MBP: variants seen among roughly 807,000 people sequenced by gnomAD.
MBP encodes Golli-MBP.
Under a neutral mutation model 35.8 loss-of-function variants are expected in MBP, and 16 were observed. The ratio of observed to expected loss-of-function variants is 0.45; its 90% CI spans 0.30 to 0.68. The LOEUF is 0.68. MBP is among the 30% of genes least tolerant of loss of function. The pLI, the probability that MBP is intolerant of heterozygous loss-of-function variation, is 0.08. For missense variants in MBP, 380 were observed against 404.7 expected (o/e 0.94, Z 0.52); for synonymous variants, 143 against 159.6 (o/e 0.90, Z 0.78).
At chr18:76,992,173 C>G (rs994806461) in intron 4 of MBP, among the ~76,000 whole-genome samples, 8 of 152,264 alleles carry the variant, frequency 5.3e-5, no homozygotes, top group Admixed American at 3.9e-4. Context: ...TTTTTGGCAC[C>G]AGGGATGGGT....
In MBP at chr18:76,979,912, A is replaced by T. The variant is rs1311816718; in HGVS notation, c.*515T>A. 1.4e-6 allele frequency: 1 copy of T among 701,636 alleles called. No homozygotes were observed. Among genetic ancestry groups the T allele is most frequent in the Non-Finnish European group, 2.6e-6 (1 of 384,714 alleles). 43.5% of individuals were successfully genotyped at this position (701,636 alleles called of 1,614,324 possible). A position where few individuals can be genotyped will look rare whatever the true frequency, so the allele number is the denominator to read the frequency against. On this transcript the variant is annotated 3_prime_UTR_variant, in exon 9 of 9. Transcript: ENST00000355994. ...TAGTAAGCCACTCCTTGACTGTCTA[A>T]TCCTGTTAGGAAAAATGAAGTCTAC...
chr18:77,024,775 C>T (rs1172753876), intron 3 of MBP, among the ~76,000 whole-genome samples: 2 of 152,268 alleles, frequency 1.3e-5, no homozygotes, highest in Non-Finnish European at 2.9e-5. Context: ...CCAACACTGA[C>T]CAGCCGATGT....
At chr18:77,094,235 A>G (rs1975667192) in intron 2 of MBP, among the ~76,000 whole-genome samples, 1 of 152,316 alleles carries the variant, frequency 6.6e-6, no homozygotes, top group East Asian at 1.9e-4. Flanking sequence ...TGGCCTCCCA[A>G]AGTGCTGGGA....
At chr18:77,079,355 G>A (rs11664872) in intron 2 of MBP, among the ~76,000 whole-genome samples, 51,801 of 152,082 alleles carry the variant, frequency 0.34, 8,993 homozygotes, top group East Asian at 0.42. Flanking sequence ...CGGCCACTGT[G>A]GGGGAGCAGG....
At chr18:77,005,623 T>G (rs977270748) in intron 4 of MBP, 6 of 152,198 alleles carry the variant, frequency 3.9e-5, no homozygotes, top group Non-Finnish European at 7.3e-5. Flanking sequence ...CTTCTGAGAA[T>G]GGTGGGAGCA....
intron 3 of MBP, among the ~76,000 whole-genome samples, chr18:77,043,590 C>T (rs1231852935): frequency 8.7e-5 from 2 of 23,114 alleles, no homozygotes; most frequent in Non-Finnish European, 1.8e-4. Flanking sequence ...GCCAGCGTGA[C>T]ACTCAGCAGC....
At chr18:77,121,603 C>G (rs565294927) in intron 1 of MBP, among the ~76,000 whole-genome samples, 27 of 152,258 alleles carry the variant, frequency 1.8e-4, no homozygotes, top group African/African-American at 6.5e-4. Flanking sequence ...TATGTCTCGG[C>G]ATATGAAAAT....
At chr18:77,077,030 C>T (rs1400161280) in intron 2 of MBP, among the ~76,000 whole-genome samples, 1 of 152,108 alleles carries the variant, frequency 6.6e-6, no homozygotes, top group Admixed American at 6.5e-5. Flanking sequence ...TATAAAGTGC[C>T]TGGCACAGAA....
At chr18:76,997,896 A>G (rs1970393118) in intron 4 of MBP, among the ~76,000 whole-genome samples, 4 of 151,848 alleles carry the variant, frequency 2.6e-5, no homozygotes, top group East Asian at 1.9e-4. Context: ...GTTAGCCAGG[A>G]TGGTCTCGAT....
At position 76,980,108 on chromosome 18, in the gene MBP, G is replaced by A. The variant is rs1599444642; in HGVS notation, c.*319C>T. On this transcript the variant is annotated 3_prime_UTR_variant, in exon 9 of 9. Transcript: ENST00000355994. ...GGCGAAAAGAAAGTCCAAGGGTGGAGGGGTGAACGTGGAGGGACGTCTGTG... is the reference window on the plus strand; with the variant it reads ...GGCGAAAAGAAAGTCCAAGGGTGGAAGGGTGAACGTGGAGGGACGTCTGTG... 2 of 688,360 alleles carry A rather than the reference G, an allele frequency of 2.9e-6. No individual in the cohort carries two copies. Among genetic ancestry groups the A allele is most frequent in the African/African-American group, 3.6e-5 (2 of 56,326 alleles). 42.6% of individuals were successfully genotyped at this position (688,360 alleles called of 1,614,324 possible). A position where few individuals can be genotyped will look rare whatever the true frequency, so the allele number is the denominator to read the frequency against.
intron 2 of MBP, chr18:77,087,201 G>C (rs1395210452): frequency 6.6e-6 from 1 of 152,194 alleles, no homozygotes; most frequent in African/African-American, 2.4e-5. Context: ...AAATAGCCCC[G>C]CGGCAGCGCC....
chr18:77,014,868 A>ACACTTCTATATT, intron 4 of MBP: 3 of 985,092 alleles, frequency 3.0e-6, no homozygotes, highest in Non-Finnish European at 3.6e-6. Context: ...TCTATATTCA[A>ACACTTCTATATT]CACTCCATAG....
chr18:77,026,702 CA>C (rs1209527598), intron 3 of MBP, among the ~76,000 whole-genome samples: 10 of 151,672 alleles, frequency 6.6e-5, no homozygotes, highest in Non-Finnish European at 1.3e-4. Flanking sequence ...CTTGTCTTTA[CA>C]AAAAAAATTA....
intron 3 of MBP, among the ~76,000 whole-genome samples, chr18:77,034,650 C>T (rs992628014): frequency 6.6e-5 from 10 of 152,174 alleles, no homozygotes; most frequent in African/African-American, 1.9e-4. Flanking sequence ...CAGTCCCTGC[C>T]CTCATTTTGC....
Position 76,988,679 on chromosome 18 carries a change from A to C in MBP, c.718-152T>G, listed in dbSNP as rs890233476. The C allele has an allele frequency of 6.9e-7, 1 of 1,443,210 alleles. No individual in the cohort carries two copies. The highest frequency in any genetic ancestry group is 9.3e-7 in the Non-Finnish European group (1 of 1,074,632). 89.4% of individuals were successfully genotyped at this position (1,443,210 alleles called of 1,614,324 possible). On this transcript the variant is annotated intron_variant, in intron 6 of 8. Transcript: ENST00000355994. The surrounding 1 kb of genome is among the most constrained non-coding windows in gnomAD (Gnocchi z 5.2). ...CGAGGGGGGCCGCAGGCTCAGGGCC[A>C]CAGCGGCTGTGCAGGTGCGGGAGGG...
intron 4 of MBP, chr18:77,013,171 C>A (rs913313272): frequency 1.0e-5 from 10 of 985,442 alleles, no homozygotes; most frequent in Non-Finnish European, 1.2e-5. Context: ...GAAACAAATG[C>A]ACCCTCCACA....
chr18:77,064,302 T>C (rs1974101544), intron 3 of MBP, among the ~76,000 whole-genome samples: 1 of 152,224 alleles, frequency 6.6e-6, no homozygotes, highest in Non-Finnish European at 1.5e-5. Flanking sequence ...CTCCTAGTCA[T>C]GGACGCGGCT....
chr18:77,026,378 GC>G (rs1165814647), intron 3 of MBP, among the ~76,000 whole-genome samples: 1 of 152,224 alleles, frequency 6.6e-6, no homozygotes, highest in African/African-American at 2.4e-5. Flanking sequence ...TCCAGAGCAT[GC>G]CATAGGAAAA....
At chr18:77,076,901 T>C (rs972354959) in intron 2 of MBP, among the ~76,000 whole-genome samples, 1 of 152,132 alleles carries the variant, frequency 6.6e-6, no homozygotes, top group African/African-American at 2.4e-5. Context: ...CCACCCTTAA[T>C]AGCTTTGCGA....
Sources: gnomAD v4.1 joint callset for allele counts (sites outside exome capture counted in the v4.1 genomes callset) on GRCh38, gnomAD v4.1.1 for gene constraint, Gnocchi (gnomAD v3.1) non-coding constraint, MANE v1.5 for transcripts, NCBI Gene and HGNC (gene_info 2026-07-23, HGNC 2026-07-21) for gene names.